ADARB2: variants seen among roughly 807,000 people sequenced by gnomAD.
ADARB2 encodes the protein adenosine deaminase RNA specific B2 (inactive), also known as inactive double-stranded RNA-specific editase B2.
A neutral mutation model predicts 62.2 loss-of-function variants in ADARB2; 25 were observed. The ratio of observed to expected loss-of-function variants is 0.40; its 90% CI spans 0.29 to 0.56. The LOEUF (loss-of-function observed/expected upper bound fraction) is 0.56. ADARB2 is among the 20% of genes least tolerant of loss of function. The pLI is 0.43. For synonymous variants in ADARB2, 572 were observed against 500.8 expected (o/e 1.14, Z -1.90); for missense variants, 1,071 against 1,077.4 (o/e 0.99, Z 0.08).
chr10:1,723,107 C>T (rs536771789), intron 1 of ADARB2, among the ~76,000 whole-genome samples: 18 of 152,192 alleles, frequency 1.2e-4, no homozygotes, highest in Admixed American at 2.0e-4. Flanking sequence ...TCCCTGGAAA[C>T]GGGAGCGCAT....
At chr10:1,448,097 T>A (rs1830993851) in intron 1 of ADARB2, among the ~76,000 whole-genome samples, 1 of 152,362 alleles carries the variant, frequency 6.6e-6, no homozygotes, top group South Asian at 2.1e-4. Flanking sequence ...ATAGGCTAAA[T>A]TGATGTTCTT....
intron 1 of ADARB2, among the ~76,000 whole-genome samples, chr10:1,505,771 C>T (rs1310411431): frequency 6.6e-6 from 1 of 151,738 alleles, no homozygotes; most frequent in African/African-American, 2.4e-5. Flanking sequence ...TCCCCATGCC[C>T]GTGGTTCTGC....
chr10:1,458,459 G>A (rs1462661254), intron 1 of ADARB2, among the ~76,000 whole-genome samples: 3 of 152,076 alleles, frequency 2.0e-5, no homozygotes, highest in Non-Finnish European at 4.4e-5. Flanking sequence ...AAGTTTTATT[G>A]ATCACTAAAA....
At chr10:1,186,700 G>A (rs1388803229) in intron 8 of ADARB2, 1 of 417,174 alleles carries the variant, frequency 2.4e-6, no homozygotes, top group Admixed American at 2.6e-5. Flanking sequence ...GAAGAACTTG[G>A]CGTCTTGGCC....
chr10:1,481,427 G>C (rs1251877714), intron 1 of ADARB2, among the ~76,000 whole-genome samples: 1 of 152,190 alleles, frequency 6.6e-6, no homozygotes, highest in Non-Finnish European at 1.5e-5. Context: ...AAAAGCATAG[G>C]TGATGAAAGA....
At chr10:1,203,597 G>A (rs1016283242) in intron 7 of ADARB2, among the ~76,000 whole-genome samples, 1 of 152,116 alleles carries the variant, frequency 6.6e-6, no homozygotes, top group African/African-American at 2.4e-5. Flanking sequence ...AGGATCTCCA[G>A]AGGTCTGGCT....
At chr10:1,435,134 C>T (rs1366399170) in intron 1 of ADARB2, among the ~76,000 whole-genome samples, 1 of 152,240 alleles carries the variant, frequency 6.6e-6, no homozygotes, top group Non-Finnish European at 1.5e-5. Flanking sequence ...TGGCCCGAGG[C>T]CGGCTGTGCC....
intron 7 of ADARB2, among the ~76,000 whole-genome samples, chr10:1,214,413 T>C (rs1037068399): frequency 7.7e-6 from 1 of 129,582 alleles, no homozygotes; most frequent in Non-Finnish European, 1.7e-5. Flanking sequence ...TTTGCCCCTG[T>C]GCCTGGACCT....
At position 1,185,019 on chromosome 10, in the gene ADARB2, G is replaced by GCGCCT; in HGVS notation, c.1880_1884dup (p.Gln630ArgfsTer12). On this transcript the variant is annotated frameshift_variant, in exon 9 of 10. Transcript: ENST00000381312. LOFTEE classifies it high-confidence loss of function. ...AAGGGGGGCGACTTCCCCGGCTGGCGCGCCTCGGCGTCACTCACGCCTGTC... is the reference window on the plus strand; with the variant it reads ...AAGGGGGGCGACTTCCCCGGCTGGCGCGCCTCGCCTCGGCGTCACTCACGCCTGTC... 1 of 1,612,830 alleles carries GCGCCT rather than the reference G, an allele frequency of 6.2e-7. No homozygotes were observed. Among genetic ancestry groups the GCGCCT allele is most frequent in the Non-Finnish European group, 8.5e-7 (1 of 1,179,748 alleles).
chr10:1,428,508 C>T (rs1485928188), intron 1 of ADARB2, among the ~76,000 whole-genome samples: 3 of 151,432 alleles, frequency 2.0e-5, no homozygotes, highest in East Asian at 1.9e-4. Flanking sequence ...AGGATGGTCT[C>T]GATCTCCTGA....
chr10:1,704,056 C>T lies in ADARB2; in HGVS notation c.100+32995G>A, dbSNP rs1834857090. ...CTCAAGAGTTAGTATCTTAAAAGAA[C>T]AAACACTATATCTAACTTCCTGTGG... On this transcript the variant is annotated intron_variant, in intron 1 of 9. Coordinates refer to ENST00000381312, the MANE Select transcript of ADARB2 (RefSeq NM_018702.4). The surrounding 1 kb of genome is among the most constrained non-coding windows in gnomAD (Gnocchi z 5.6). Among the ~76,000 whole-genome samples, 1 of 151,978 alleles carries T rather than the reference C, an allele frequency of 6.6e-6. No individual in the cohort carries two copies. Among genetic ancestry groups the T allele is most frequent in the Non-Finnish European group, 1.5e-5 (1 of 68,016 alleles).
At chr10:1,444,279 C>CCATCCATCCA (rs773831664) in intron 1 of ADARB2, among the ~76,000 whole-genome samples, 4 of 68,764 alleles carry the variant, frequency 5.8e-5, no homozygotes, top group African/African-American at 1.5e-4. Context: ...TTCCATCTAT[C>CCATCCATCCA]TACATCCATC....
intron 1 of ADARB2, among the ~76,000 whole-genome samples, chr10:1,499,403 C>T (rs1363149147): frequency 6.6e-6 from 1 of 152,062 alleles, no homozygotes; most frequent in Non-Finnish European, 1.5e-5. Context: ...AGTCATTACT[C>T]ATTCATCACT....
At chr10:1,351,561 G>A (rs1475698808) in intron 3 of ADARB2, among the ~76,000 whole-genome samples, 3 of 151,800 alleles carry the variant, frequency 2.0e-5, no homozygotes, top group African/African-American at 7.3e-5. Flanking sequence ...ATTCATTGCC[G>A]CCTTTTCCCC....
chr10:1,200,958 C>G (rs925587601), intron 7 of ADARB2, among the ~76,000 whole-genome samples: 3 of 152,212 alleles, frequency 2.0e-5, no homozygotes, highest in Non-Finnish European at 4.4e-5. Flanking sequence ...CCGCATGCAG[C>G]GTCTCTTTTC....
At chr10:1,577,315 G>C (rs1766546677) in intron 1 of ADARB2, among the ~76,000 whole-genome samples, 2 of 150,412 alleles carry the variant, frequency 1.3e-5, no homozygotes, top group African/African-American at 4.9e-5. Flanking sequence ...GTGCATCCTG[G>C]TGTAAGGCCA....
rs551894806 is a variant in ADARB2 at position 1,182,568 on chromosome 10, A to G, written c.*625T>C. The G allele has an allele frequency of 6.6e-6, 1 of 152,464 alleles. No homozygotes were observed. The highest frequency in any genetic ancestry group is 2.1e-4 in the South Asian group (1 of 4,852). 9.4% of individuals were successfully genotyped at this position (152,464 alleles called of 1,614,324 possible). On this transcript the variant is annotated 3_prime_UTR_variant, in exon 10 of 10. Coordinates refer to ENST00000381312, the MANE Select transcript of ADARB2 (RefSeq NM_018702.4). The stretch of plus-strand genomic sequence containing the variant: ...ACTCTGCCTCGCAGGGGTTTTGGAA[A>G]CTGTTCCTTCACTTTGTGGGAATGG...
intron 2 of ADARB2, among the ~76,000 whole-genome samples, chr10:1,377,738 C>T (rs1832446992): frequency 1.3e-5 from 2 of 152,038 alleles, no homozygotes; most frequent in Admixed American, 6.6e-5. Flanking sequence ...CTCTCTAGTG[C>T]CGGCACACCC....
chr10:1,289,398 C>T lies in ADARB2; in HGVS notation c.1078-18329G>A, dbSNP rs551808566. ...TGTGTCACAGGTGTGTCCTTAACCTCGGCAAAATAAACTTTCTAAATTGGT... is the reference window on the plus strand; with the variant it reads ...TGTGTCACAGGTGTGTCCTTAACCTTGGCAAAATAAACTTTCTAAATTGGT... On this transcript the variant is annotated intron_variant, in intron 3 of 9. Coordinates refer to ENST00000381312, the MANE Select transcript of ADARB2 (RefSeq NM_018702.4). Among the ~76,000 whole-genome samples the T allele has an allele frequency of 7.9e-5, 12 of 152,318 alleles. No homozygotes were observed. The East Asian group carries it at 9.6e-4, about 12-fold the overall frequency.
Sources: allele counts gnomAD v4.1 joint callset (sites outside exome capture counted in the v4.1 genomes callset), GRCh38; gene constraint gnomAD v4.1.1; non-coding constraint Gnocchi (gnomAD v3.1); transcripts MANE v1.5; gene names NCBI Gene and HGNC (gene_info 2026-07-23, HGNC 2026-07-21).